CTNND2: variants seen among roughly 807,000 people sequenced by gnomAD.
The protein encoded by CTNND2 is catenin delta 2.
Under a neutral mutation model 144.4 loss-of-function variants are expected in CTNND2, and 22 were observed. The ratio of observed to expected loss-of-function variants is 0.15; its 90% CI spans 0.11 to 0.22. The LOEUF is 0.22. CTNND2 is among the 10% of genes least tolerant of loss of function. The pLI is 1.00. For synonymous variants in CTNND2, 751 were observed against 695.6 expected, an observed-to-expected ratio of 1.08 and a Z score of -1.25; for missense variants, 1,353 against 1,618.8, an observed-to-expected ratio of 0.84 and a Z score of 2.82.
At chr5:11,510,065 C>T (rs1771495284) in intron 3 of CTNND2, among the ~76,000 whole-genome samples, 1 of 152,114 alleles carries the variant, frequency 6.6e-6, no homozygotes. Context: ...CGAGTAGCTG[C>T]AACTACAGAC....
chr5:11,778,392 G>T (rs1027239770), intron 1 of CTNND2, among the ~76,000 whole-genome samples: 1 of 152,106 alleles, frequency 6.6e-6, no homozygotes, highest in Non-Finnish European at 1.5e-5. Flanking sequence ...TTGTCAACAA[G>T]TTCTCCAGGT....
intron 9 of CTNND2, among the ~76,000 whole-genome samples, chr5:11,242,072 A>T (rs1742513509): frequency 6.6e-6 from 1 of 151,980 alleles, no homozygotes; most frequent in Non-Finnish European, 1.5e-5. Flanking sequence ...TTGAGATGAG[A>T]TCATGAAAGA....
intron 1 of CTNND2, among the ~76,000 whole-genome samples, chr5:11,789,844 G>C (rs1368113284): frequency 1.3e-5 from 2 of 152,094 alleles, no homozygotes; most frequent in African/African-American, 4.8e-5. Flanking sequence ...ATTCTGATTG[G>C]TAACTCCTTT....
At chr5:11,521,165 A>C (rs1772686619) in intron 3 of CTNND2, among the ~76,000 whole-genome samples, 1 of 152,192 alleles carries the variant, frequency 6.6e-6, no homozygotes, top group Admixed American at 6.5e-5. Flanking sequence ...AATGACACTA[A>C]GTTTTTGTTT....
intron 18 of CTNND2, among the ~76,000 whole-genome samples, chr5:11,013,441 A>G (rs1741296894): frequency 2.0e-5 from 3 of 152,168 alleles, no homozygotes; most frequent in African/African-American, 7.2e-5. Flanking sequence ...CCATGAACCT[A>G]GTGATGGGTG....
chr5:11,017,160 TA>T lies in CTNND2; in HGVS notation c.3084+813del, dbSNP rs55739159. ...TAAAACAACAACTTCTGGGAAATGT[TA>T]AAAAAAAAAAATTCTCCCCTCCTAA... On this transcript the variant is annotated intron_variant, in intron 18 of 21. Transcript: ENST00000304623. Among the ~76,000 whole-genome samples the T allele has an allele frequency of 3.6e-3, 529 of 146,204 alleles. 2 individuals carry two copies. Among genetic ancestry groups the T allele is most frequent in the East Asian group, 8.9e-3 (45 of 5,068 alleles).
At chr5:11,762,065 T>A (rs1789297795) in intron 1 of CTNND2, among the ~76,000 whole-genome samples, 1 of 152,172 alleles carries the variant, frequency 6.6e-6, no homozygotes, top group Non-Finnish European at 1.5e-5. Flanking sequence ...TCTAGAAAAT[T>A]AAATGCACCT....
chr5:11,128,750 TTATATATAAA>T (rs1754960031), intron 12 of CTNND2, among the ~76,000 whole-genome samples: 2 of 58,298 alleles, frequency 3.4e-5, no homozygotes, highest in East Asian at 1.1e-3. Flanking sequence ...TTTATATATA[TTATATATAAA>T]TATATATATT....
intron 1 of CTNND2, among the ~76,000 whole-genome samples, chr5:11,878,132 G>A (rs1431351112): frequency 6.6e-6 from 1 of 151,986 alleles, no homozygotes; most frequent in Non-Finnish European, 1.5e-5. Flanking sequence ...AATTGTAAAA[G>A]CAATCAGAAA....
At chr5:11,458,848 T>C (rs1308530229) in intron 3 of CTNND2, among the ~76,000 whole-genome samples, 1 of 152,066 alleles carries the variant, frequency 6.6e-6, no homozygotes, top group African/African-American at 2.4e-5. Flanking sequence ...GTCCCTGGGT[T>C]GAAGCAATAG....
chr5:11,885,725 A>AT (rs997633248), intron 1 of CTNND2, among the ~76,000 whole-genome samples: 18 of 151,904 alleles, frequency 1.2e-4, no homozygotes, highest in Non-Finnish European at 2.4e-4. Context: ...CAGAATACAC[A>AT]TTTTTTTTCA....
At chr5:11,437,495 G>A (rs537881825) in intron 3 of CTNND2, among the ~76,000 whole-genome samples, 2 of 152,184 alleles carry the variant, frequency 1.3e-5, no homozygotes, top group African/African-American at 2.4e-5. Context: ...TTGTGTAAGG[G>A]AGGAAATGGA....
chr5:11,738,072 T>C (rs1787790591), intron 1 of CTNND2, among the ~76,000 whole-genome samples: 1 of 152,226 alleles, frequency 6.6e-6, no homozygotes, highest in South Asian at 2.1e-4. Flanking sequence ...GCATGGAGTC[T>C]TGGGAACTGA....
At chr5:10,982,521 C>T (rs1737414688) in intron 20 of CTNND2, among the ~76,000 whole-genome samples, 1 of 152,224 alleles carries the variant, frequency 6.6e-6, no homozygotes, top group Admixed American at 6.5e-5. Flanking sequence ...TATGGGAAAC[C>T]CTTGAAGCTC....
intron 12 of CTNND2, among the ~76,000 whole-genome samples, chr5:11,118,444 G>A (rs998159234): frequency 3.3e-5 from 5 of 152,258 alleles, no homozygotes; most frequent in African/African-American, 4.8e-5. Flanking sequence ...GGGAACAGTG[G>A]TAGAAAAAGA....
Position 11,209,624 on chromosome 5 carries a change from A to C in CTNND2, c.1762-9963T>G, listed in dbSNP as rs192365741. On this transcript the variant is annotated intron_variant, in intron 10 of 21. Transcript: ENST00000304623. ...AAGAATGGAATCAATTTAATTCCAAAAGTAATAACTGTATGCAGATATAAG... is the reference window on the plus strand; with the variant it reads ...AAGAATGGAATCAATTTAATTCCAACAGTAATAACTGTATGCAGATATAAG... 2.5e-3 allele frequency among the ~76,000 whole-genome samples: 385 copies of C among 152,356 alleles called. 1 individual carries two copies. The highest frequency in any genetic ancestry group is 8.0e-3 in the Admixed American group (123 of 15,308).
intron 11 of CTNND2, among the ~76,000 whole-genome samples, chr5:11,197,907 TG>T (rs1218866800): frequency 4.6e-5 from 7 of 152,174 alleles, no homozygotes; most frequent in Non-Finnish European, 7.3e-5. Context: ...AAATTCAAAT[TG>T]TAGTCAAATC....
chr5:11,594,922 T>C (rs1294784875), intron 2 of CTNND2, among the ~76,000 whole-genome samples: 1 of 152,244 alleles, frequency 6.6e-6, no homozygotes, highest in East Asian at 1.9e-4. Context: ...TCCTGAAATT[T>C]TGGCTTCTTA....
chr5:11,491,264 C>T (rs1769358683), intron 3 of CTNND2, among the ~76,000 whole-genome samples: 2 of 152,170 alleles, frequency 1.3e-5, no homozygotes, highest in South Asian at 4.1e-4. Flanking sequence ...TTGGGGAGGT[C>T]TCCATAAATG....
Sources: gnomAD v4.1 joint callset for allele counts (sites outside exome capture counted in the v4.1 genomes callset) on GRCh38, gnomAD v4.1.1 for gene constraint, MANE v1.5 for transcripts, NCBI Gene and HGNC (gene_info 2026-07-23, HGNC 2026-07-21) for gene names.